The following LRRC37A2 variants were observed in gnomAD, a reference collection of about 807,000 sequenced individuals.
LRRC37A2 encodes the protein leucine rich repeat containing 37 member A2.
A neutral mutation model predicts 68.8 loss-of-function variants in LRRC37A2; 9 were observed. The ratio of observed to expected loss-of-function variants is 0.13; its 90% CI spans 0.08 to 0.23. The LOEUF (loss-of-function observed/expected upper bound fraction) is 0.23, where lower values mean the gene tolerates loss of function less well. Among genes scored for constraint, LRRC37A2 ranks in the 10% least tolerant of loss-of-function variants. The pLI is 1.00. For missense variants in LRRC37A2, 168 were observed against 950.4 expected (o/e 0.18, Z 10.82); for synonymous variants, 63 against 367.6 (o/e 0.17, Z 9.48).
the LRRC37A2 span, among the ~76,000 whole-genome samples, chr17:46,913,300 G>T: frequency 7.2e-5 from 11 of 152,330 alleles, no homozygotes; most frequent in African/African-American, 2.6e-4. Flanking sequence ...CTCACACCGG[G>T]CACTGAGCTG....
At chr17:46,964,053 T>G in the LRRC37A2 span, 1 of 152,252 alleles carries the variant, frequency 6.6e-6, no homozygotes, top group South Asian at 2.1e-4. Context: ...CCTCAAGTGA[T>G]TCTCCCACCT....
chr17:46,946,305 AAAG>A, the LRRC37A2 span, among the ~76,000 whole-genome samples: 1,670 of 146,664 alleles, frequency 0.011, 20 homozygotes, highest in Non-Finnish European at 0.019. Flanking sequence ...AAAAAAAAGA[AAAG>A]AAAAATGCCA....
At chr17:46,875,073 T>C in the LRRC37A2 span, 1 of 1,613,276 alleles carries the variant, frequency 6.2e-7, no homozygotes, top group Middle Eastern at 1.6e-4. Context: ...CTTTCCTCCC[T>C]CCCTATGCCC....
the LRRC37A2 span, chr17:46,939,022 T>G: frequency 7.7e-7 from 1 of 1,306,606 alleles, no homozygotes. Flanking sequence ...TCGCTCTCAC[T>G]GGGGGAGGGA....
chr17:46,657,970 ATTT>A, the LRRC37A2 span, among the ~76,000 whole-genome samples: 1 of 14,894 alleles, frequency 6.7e-5, no homozygotes, highest in Non-Finnish European at 1.4e-4. Flanking sequence ...TATTTTATTT[ATTT>A]TTTTTTTTTT....
At chr17:46,913,051 G>T in the LRRC37A2 span, among the ~76,000 whole-genome samples, 1 of 152,214 alleles carries the variant, frequency 6.6e-6, no homozygotes, top group Non-Finnish European at 1.5e-5. Context: ...AGCACAGAAC[G>T]AGCCACGGCT....
the LRRC37A2 span, among the ~76,000 whole-genome samples, chr17:47,032,670 A>G: frequency 1.3e-5 from 2 of 151,686 alleles, no homozygotes; most frequent in African/African-American, 2.4e-5. Flanking sequence ...GTGTGACATG[A>G]TGGCTGAGCA....
the LRRC37A2 span, among the ~76,000 whole-genome samples, chr17:46,444,289 AGCC>A: frequency 4.5e-5 from 1 of 22,246 alleles, no homozygotes; most frequent in South Asian, 3.5e-3. Context: ...TACAGGTGTG[AGCC>A]ACCGTGCCTG....
chr17:46,899,557 A>G, the LRRC37A2 span, among the ~76,000 whole-genome samples: 4 of 152,360 alleles, frequency 2.6e-5, no homozygotes, highest in South Asian at 4.1e-4. Context: ...TGAAATGTCC[A>G]GAATAGAAAA....
chr17:46,877,438 C>T, the LRRC37A2 span, among the ~76,000 whole-genome samples: 2 of 152,172 alleles, frequency 1.3e-5, no homozygotes, highest in African/African-American at 2.4e-5. Flanking sequence ...GGGTTATGCA[C>T]ACTCACCCAG....
chr17:46,997,538 T>A, the LRRC37A2 span, among the ~76,000 whole-genome samples: 2 of 152,148 alleles, frequency 1.3e-5, no homozygotes, highest in African/African-American at 4.8e-5. Flanking sequence ...CTTAATCTGA[T>A]CAGGCCTCTA....
At chr17:46,977,067 C>T in the LRRC37A2 span, among the ~76,000 whole-genome samples, 1 of 152,140 alleles carries the variant, frequency 6.6e-6, no homozygotes, top group African/African-American at 2.4e-5. Flanking sequence ...ATAATTCTGA[C>T]CACACAGGAG....
At chr17:46,991,612 CAAAA>C in the LRRC37A2 span, among the ~76,000 whole-genome samples, 1 of 102,406 alleles carries the variant, frequency 9.8e-6, no homozygotes, top group Non-Finnish European at 2.2e-5. Context: ...AACTCCATCT[CAAAA>C]AAATAAAATA....
At chr17:46,796,499 A>C in the LRRC37A2 span, among the ~76,000 whole-genome samples, 16 of 152,196 alleles carry the variant, frequency 1.1e-4, no homozygotes, top group Admixed American at 1.0e-3. Context: ...GAGGCTGAAG[A>C]CTTAACCACA....
the LRRC37A2 span, among the ~76,000 whole-genome samples, chr17:46,568,517 G>C: frequency 1.7e-5 from 2 of 114,676 alleles, no homozygotes; most frequent in Non-Finnish European, 3.6e-5. Flanking sequence ...AAAAAAGAGG[G>C]GGGGAGGCCA....
At chr17:46,810,475 A>G in the LRRC37A2 span, among the ~76,000 whole-genome samples, 3 of 152,316 alleles carry the variant, frequency 2.0e-5, no homozygotes, top group African/African-American at 7.2e-5. Context: ...TCTGAGGCCA[A>G]CTGGTCACGG....
At chr17:46,838,608 C>T in the LRRC37A2 span, among the ~76,000 whole-genome samples, 1 of 151,954 alleles carries the variant, frequency 6.6e-6, no homozygotes, top group Admixed American at 6.6e-5. Context: ...GCCTGGGCGA[C>T]AGAGCGAGAC....
At chr17:46,952,712 C>G in the LRRC37A2 span, 1 of 152,130 alleles carries the variant, frequency 6.6e-6, no homozygotes, top group Non-Finnish European at 1.5e-5. Flanking sequence ...GAAAGCAAAA[C>G]AGAGAGAGAG....
the LRRC37A2 span, among the ~76,000 whole-genome samples, chr17:46,601,961 A>G: frequency 1.4e-5 from 2 of 145,504 alleles, no homozygotes; most frequent in Non-Finnish European, 3.0e-5. Flanking sequence ...AGGCGGGTGG[A>G]TCACTTGAAG....
Sources: gnomAD v4.1 joint callset for allele counts (sites outside exome capture counted in the v4.1 genomes callset) on GRCh38, gnomAD v4.1.1 for gene constraint, MANE v1.5 for transcripts, NCBI Gene and HGNC (gene_info 2026-07-23, HGNC 2026-07-21) for gene names.